The following BLTP1 variants were observed in gnomAD, a reference collection of about 807,000 sequenced individuals.
BLTP1 encodes fragile site-associated protein.
chr4:122,270,308 T>C, the BLTP1 span: 1 of 976,754 alleles, frequency 1.0e-6, no homozygotes, highest in South Asian at 4.7e-5. Flanking sequence ...CTCCCATGTC[T>C]GCACATTCAT....
the BLTP1 span, chr4:122,305,812 TGTTTA>T: frequency 7.0e-7 from 1 of 1,424,940 alleles, no homozygotes; most frequent in South Asian, 1.4e-5. Context: ...CCATTAATAA[TGTTTA>T]GTTTCATATT....
chr4:122,213,694 TAAG>T, the BLTP1 span, among the ~76,000 whole-genome samples: 1 of 152,164 alleles, frequency 6.6e-6, no homozygotes. Context: ...AAAAAAATTC[TAAG>T]AAGAATATGT....
chr4:122,200,929 G>A, the BLTP1 span: 5 of 1,542,446 alleles, frequency 3.2e-6, no homozygotes, highest in Non-Finnish European at 3.5e-6. Flanking sequence ...TCACTAGCGT[G>A]TGTAACTTCA....
At chr4:122,170,844 T>C in the BLTP1 span, 4 of 640,986 alleles carry the variant, frequency 6.2e-6, no homozygotes, top group African/African-American at 7.8e-5. Context: ...ACACTAACAC[T>C]ACCATTTATT....
chr4:122,291,801 T>C, the BLTP1 span: 1 of 979,400 alleles, frequency 1.0e-6, no homozygotes. Flanking sequence ...ATAGCGTCTC[T>C]TATGGTTCCA....
At chr4:122,334,468 C>T in the BLTP1 span, 1 of 1,612,752 alleles carries the variant, frequency 6.2e-7, no homozygotes, top group Non-Finnish European at 8.5e-7. Flanking sequence ...ACATCTCCTC[C>T]TTCTCCTCCT....
chr4:122,248,365 A>G, the BLTP1 span, among the ~76,000 whole-genome samples: 2 of 152,020 alleles, frequency 1.3e-5, no homozygotes, highest in Non-Finnish European at 2.9e-5. Context: ...ACTCTCATTG[A>G]AGACAAAACT....
chr4:122,209,458 A>G, the BLTP1 span: 4 of 945,352 alleles, frequency 4.2e-6, no homozygotes, highest in Non-Finnish European at 3.2e-6. Flanking sequence ...CAGCCTGGCC[A>G]ACATGGTGAA....
chr4:122,313,733 T>A, the BLTP1 span: 4 of 1,111,792 alleles, frequency 3.6e-6, no homozygotes, highest in South Asian at 1.5e-5. Flanking sequence ...GAATTCTGCC[T>A]TTATTTTAAT....
At chr4:122,261,435 C>A in the BLTP1 span, 4 of 985,082 alleles carry the variant, frequency 4.1e-6, no homozygotes, top group Non-Finnish European at 4.8e-6. Context: ...TTTTCAAGAT[C>A]TTTTTTGCCT....
the BLTP1 span, among the ~76,000 whole-genome samples, chr4:122,178,911 T>C: frequency 6.6e-6 from 1 of 152,154 alleles, no homozygotes; most frequent in Non-Finnish European, 1.5e-5. Context: ...ACAAAATGCG[T>C]AAATCACTCT....
At chr4:122,269,622 G>A in the BLTP1 span, 29 of 985,064 alleles carry the variant, frequency 2.9e-5, no homozygotes, top group Non-Finnish European at 3.5e-5. Flanking sequence ...GTATTGTCTG[G>A]GTTTTTTGTT....
the BLTP1 span, chr4:122,349,254 A>G: frequency 3.1e-6 from 5 of 1,613,602 alleles, no homozygotes; most frequent in African/African-American, 4.0e-5. This position sits in a 1 kb window ranked among gnomAD's most constrained non-coding sequence, Gnocchi z 4.5. Context: ...GAAGATCACA[A>G]TTAGATTCTA....
At chr4:122,292,566 G>A in the BLTP1 span, 93 of 881,662 alleles carry the variant, frequency 1.1e-4, no homozygotes, top group African/African-American at 6.1e-4. Flanking sequence ...GTATGTTAAC[G>A]AAGTATACTG....
At chr4:122,282,487 C>A in the BLTP1 span, among the ~76,000 whole-genome samples, 2 of 152,040 alleles carry the variant, frequency 1.3e-5, no homozygotes, top group African/African-American at 4.8e-5. Flanking sequence ...GTTAAAAATA[C>A]AAAAATTAGC....
chr4:122,208,407 A>G, the BLTP1 span: 2 of 985,214 alleles, frequency 2.0e-6, no homozygotes, highest in Non-Finnish European at 2.4e-6. Context: ...AACAAAGAAT[A>G]GAAGTCCTAT....
the BLTP1 span, chr4:122,248,029 C>G: frequency 3.3e-4 from 323 of 984,838 alleles, 2 homozygotes; most frequent in African/African-American, 4.0e-3. Flanking sequence ...AATGAATTCC[C>G]TGAATTTGCT....
At chr4:122,271,009 C>T in the BLTP1 span, 69 of 1,553,672 alleles carry the variant, frequency 4.4e-5, no homozygotes, top group Non-Finnish European at 5.5e-5. Flanking sequence ...TTTTATTTCA[C>T]GTTTTTAGGC....
At chr4:122,233,847 A>G in the BLTP1 span, among the ~76,000 whole-genome samples, 1 of 152,132 alleles carries the variant, frequency 6.6e-6, no homozygotes, top group Admixed American at 6.5e-5. Context: ...TTGCCTCTGT[A>G]TTGTAAACTT....
Sources: allele counts gnomAD v4.1 joint callset (sites outside exome capture counted in the v4.1 genomes callset), GRCh38; gene constraint gnomAD v4.1.1; non-coding constraint Gnocchi (gnomAD v3.1); transcripts MANE v1.5; gene names NCBI Gene and HGNC (gene_info 2026-07-23, HGNC 2026-07-21).